Variants in RAF1 observed in about 807,000 individuals in gnomAD.
The protein encoded by RAF1 is RAF proto-oncogene serine/threonine-protein kinase.
In RAF1, 27 loss-of-function variants were observed where a neutral mutation model predicts 81.1. The observed-to-expected ratio is 0.33, with a 90% confidence interval of 0.25 to 0.46. The LOEUF is 0.46. Ranked by LOEUF, RAF1 falls within the 20% of genes least tolerant of loss-of-function variation. The pLI is 1.00. For synonymous variants in RAF1, 298 were observed against 294.0 expected (o/e 1.01, Z -0.14); for missense variants, 598 against 826.0 (o/e 0.72, Z 3.38).
chr3:12,629,089 A>G (rs146274148), intron 1 of RAF1, among the ~76,000 whole-genome samples: 3 of 152,298 alleles, frequency 2.0e-5, no homozygotes, highest in African/African-American at 7.2e-5. Context: ...CATAATTCCT[A>G]TGGATCATTT....
At chr3:12,619,822 C>T (rs2059498540) in intron 1 of RAF1, among the ~76,000 whole-genome samples, 1 of 152,070 alleles carries the variant, frequency 6.6e-6, no homozygotes, top group Non-Finnish European at 1.5e-5. Flanking sequence ...GTGGCTCATA[C>T]CTGTAATCCC....
intron 1 of RAF1, among the ~76,000 whole-genome samples, chr3:12,636,219 G>C (rs2060025042): frequency 6.6e-6 from 1 of 151,632 alleles, no homozygotes; most frequent in Admixed American, 6.6e-5. Context: ...CCGGGAGGCA[G>C]AGGTTGCAGT....
intron 1 of RAF1, among the ~76,000 whole-genome samples, chr3:12,646,266 G>A (rs1215197243): frequency 6.6e-6 from 1 of 152,110 alleles, no homozygotes; most frequent in Non-Finnish European, 1.5e-5. Context: ...TCAGCCTCCT[G>A]AGTAGCTGGA....
chr3:12,657,839 A>T (rs1438284505), intron 1 of RAF1, among the ~76,000 whole-genome samples: 2 of 151,636 alleles, frequency 1.3e-5, no homozygotes, highest in Non-Finnish European at 2.9e-5. Context: ...CCATAATTGT[A>T]GAACACTTTT....
At position 12,664,052 on chromosome 3, in the gene RAF1, T is replaced by C. The variant is rs1166442223; in HGVS notation, c.-266A>G. The C allele has an allele frequency of 2.5e-6, 1 of 398,246 alleles. No homozygotes were observed. The highest frequency in any genetic ancestry group is 4.4e-6 in the Non-Finnish European group (1 of 225,934). 24.7% of individuals were successfully genotyped at this position (398,246 alleles called of 1,614,324 possible). On this transcript the variant is annotated 5_prime_UTR_variant, in exon 1 of 18. Transcript: ENST00000442415. ...CCCAAAAAAGGCAGCAGAAAGCCGT[T>C]CCCGCCTCACAATCGTTTTCCTCTT...
At chr3:12,616,340 C>G (rs947008631) in intron 2 of RAF1, among the ~76,000 whole-genome samples, 1 of 152,186 alleles carries the variant, frequency 6.6e-6, no homozygotes, top group Admixed American at 6.5e-5. Context: ...TTTGAAGAAG[C>G]ACCAAATGGT....
At chr3:12,640,472 G>C (rs1216964525) in intron 1 of RAF1, among the ~76,000 whole-genome samples, 1 of 152,114 alleles carries the variant, frequency 6.6e-6, no homozygotes, top group African/African-American at 2.4e-5. Flanking sequence ...CTACCCATCT[G>C]ACAAAGGGCT....
At chr3:12,609,545 G>A (rs377088533) in intron 3 of RAF1, among the ~76,000 whole-genome samples, 10 of 152,122 alleles carry the variant, frequency 6.6e-5, no homozygotes, top group East Asian at 5.8e-4. Context: ...AAGGTAATTT[G>A]CTCAAGGCCA....
chr3:12,644,036 T>C (rs2060271037), intron 1 of RAF1, among the ~76,000 whole-genome samples: 1 of 152,166 alleles, frequency 6.6e-6, no homozygotes, highest in Non-Finnish European at 1.5e-5. Flanking sequence ...CAACAAACTT[T>C]CAAAAACCCT....
At chr3:12,600,345 A>T in intron 9 of RAF1, 43 bp downstream of exon 8, 1 of 1,614,186 alleles carries the variant, frequency 6.2e-7, no homozygotes, top group South Asian at 1.1e-5. Context: ...CGCATAAAGA[A>T]AAAAAGCCCA....
chr3:12,594,155 A>C (rs1043652860), intron 11 of RAF1, among the ~76,000 whole-genome samples: 4 of 152,134 alleles, frequency 2.6e-5, no homozygotes, highest in African/African-American at 4.8e-5. Flanking sequence ...ATAGCTCAGG[A>C]AAGGTACAAG....
chr3:12,608,539 A>T (rs1024706680), intron 5 of RAF1: 17 of 572,658 alleles, frequency 3.0e-5, no homozygotes, highest in Non-Finnish European at 6.2e-6. Flanking sequence ...TGTCAATCTC[A>T]ATTTGACAGA....
At chr3:12,617,223 C>G (rs1440252244) in intron 2 of RAF1, among the ~76,000 whole-genome samples, 1 of 152,218 alleles carries the variant, frequency 6.6e-6, no homozygotes, top group Non-Finnish European at 1.5e-5. Flanking sequence ...AGTGATTCTC[C>G]TGCCTCAGCC....
intron 1 of RAF1, among the ~76,000 whole-genome samples, chr3:12,649,237 T>G (rs2060447446): frequency 1.3e-5 from 2 of 152,190 alleles, no homozygotes; most frequent in African/African-American, 4.8e-5. Context: ...ATAATATCAT[T>G]TGTTCTTCAG....
chr3:12,618,334 G>A (rs565938716), intron 2 of RAF1, among the ~76,000 whole-genome samples, 181 bp downstream of exon 2: 1 of 151,390 alleles, frequency 6.6e-6, no homozygotes, highest in African/African-American at 2.4e-5. Context: ...CCAAGAGGTA[G>A]GAAAAAATAG....
chr3:12,629,293 T>G lies in RAF1; in HGVS notation c.-26-10546A>C, dbSNP rs1046848194. On this transcript the variant is annotated intron_variant, in intron 1 of 17. Transcript: ENST00000442415. Reference sequence around the variant, plus strand: ...AACACAAACACTTGACAAAGCTTGTTTGGCTATCTGAACAAAAACAATAAG... The same window carrying G: ...AACACAAACACTTGACAAAGCTTGTGTGGCTATCTGAACAAAAACAATAAG... 3.9e-5 allele frequency among the ~76,000 whole-genome samples: 6 copies of G among 152,180 alleles called. No individual in the cohort carries two copies. In the East Asian group the frequency reaches 9.6e-4, roughly 24 times the overall value.
At chr3:12,654,610 C>CA (rs1407135193) in intron 1 of RAF1, among the ~76,000 whole-genome samples, 1 of 147,390 alleles carries the variant, frequency 6.8e-6, no homozygotes, top group Non-Finnish European at 1.5e-5. Flanking sequence ...ACTCACAACA[C>CA]AAAAAAAGGG....
At chr3:12,651,883 C>T (rs1429666916) in intron 1 of RAF1, among the ~76,000 whole-genome samples, 1 of 151,024 alleles carries the variant, frequency 6.6e-6, no homozygotes, top group Non-Finnish European at 1.5e-5. Flanking sequence ...GTGGCGCATG[C>T]CTGTGGTCTC....
intron 6 of RAF1, among the ~76,000 whole-genome samples, chr3:12,605,248 T>TTGTGTGTGTGTGTGTG (rs745742208): frequency 8.1e-5 from 9 of 111,654 alleles, no homozygotes; most frequent in East Asian, 2.2e-4. Context: ...TGATTACACA[T>TTGTGTGTGTGTGTGTG]TATGTGTGTG....
Sources: gnomAD v4.1 joint callset for allele counts (sites outside exome capture counted in the v4.1 genomes callset) on GRCh38, gnomAD v4.1.1 for gene constraint, MANE v1.5 for transcripts, NCBI Gene and HGNC (gene_info 2026-07-23, HGNC 2026-07-21) for gene names.